SUPT6H: variants seen among roughly 807,000 people sequenced by gnomAD.
SUPT6H encodes SPT6 homolog, histone chaperone and transcription elongation factor.
Under a neutral mutation model 222.3 loss-of-function variants are expected in SUPT6H, and 11 were observed. The observed-to-expected ratio is 0.05, with a 90% CI of 0.03 to 0.08. SUPT6H has a LOEUF of 0.08. Ranked by LOEUF, SUPT6H falls within the 10% of genes least tolerant of loss-of-function variation. The pLI, the probability that SUPT6H is intolerant of heterozygous loss-of-function variation, is 1.00. For missense variants in SUPT6H, 1,422 were observed against 2,216.0 expected (o/e 0.64, Z 7.19); for synonymous variants, 762 against 801.2 (o/e 0.95, Z 0.83).
rs1211853753 is a variant in SUPT6H, at chr17:28,689,367, A to G, written c.3148A>G (p.Ile1050Val). Residue 1050 changes from isoleucine to valine, a missense_variant, in exon 25 of 37, where the codon ATT becomes GTT. By Grantham distance (29) the Ile-to-Val change is conservative (BLOSUM62 3). This residue lies in a region of SUPT6H where 16 missense variants were observed against 88.5 expected (regional missense o/e 0.18). Transcript: ENST00000314616. The stretch of plus-strand genomic sequence containing the variant: ...CCTTTCCTCCAGCACTGACTCATAT[A>G]TTGAAGTCCTTGATGGTTCCCGTGT... Reference protein sequence around the residue: ...ASLGDSTDSYIEVLDGSRVHP... With the variant: ...ASLGDSTDSYVEVLDGSRVHP... The G allele has an allele frequency of 3.7e-6, 6 of 1,614,156 alleles. No individual in the cohort carries two copies. The highest frequency in any genetic ancestry group is 2.2e-5 in the East Asian group (1 of 44,882).
Position 28,684,866 on chromosome 17 carries a change from C to G in SUPT6H, c.2392C>G (p.Leu798Val). The G allele has an allele frequency of 1.2e-6, 2 of 1,614,216 alleles. No individual in the cohort carries two copies. Among genetic ancestry groups the G allele is most frequent in the Non-Finnish European group, 1.7e-6 (2 of 1,180,040 alleles). ...SARDHPVFCA[L>V]VNGEGEVTDF... is the part of the protein sequence containing the mutation. ...CAGAGATCACCCTGTGTTCTGCGCC[C>G]TGGTCAATGGTGAAGGAGAAGTGAC... The change falls in exon 19 of 37, where the codon CTG becomes GTG. Residue 798 changes from leucine to valine, a missense_variant. By Grantham distance (32) the Leu-to-Val change is conservative. Coordinates refer to ENST00000314616, the MANE Select transcript of SUPT6H (RefSeq NM_003170.5).
At chr17:28,701,169 G>C (rs763283348) in intron 36 of SUPT6H, 41 bp downstream of exon 36, 24 of 1,564,622 alleles carry the variant, frequency 1.5e-5, no homozygotes, top group Non-Finnish European at 2.1e-5. Flanking sequence ...TCAGTGGTAG[G>C]GGCAGGTGTT....
intron 27 of SUPT6H, among the ~76,000 whole-genome samples, 172 bp from the exon 28 acceptor site, chr17:28,693,524 A>G (rs2031769847): frequency 6.6e-6 from 1 of 152,194 alleles, no homozygotes; most frequent in Admixed American, 6.5e-5. Flanking sequence ...GAGACAAGGG[A>G]CTTTGTAGAT....
In SUPT6H at chr17:28,686,393, G is replaced by A. The variant is rs768212148; in HGVS notation, c.2542G>A (p.Val848Met). 6.2e-7 allele frequency: 1 copy of A among 1,614,230 alleles called. No homozygotes were observed. Residue 848 changes from valine (V) to methionine (M), a missense_variant, in exon 20 of 37, where the codon GTG becomes ATG. Physicochemically the swap from Val to Met is conservative, Grantham distance 21. Coordinates refer to ENST00000314616, the MANE Select transcript of SUPT6H (RefSeq NM_003170.5). ...KFLLNKKPHV[V>M]TVAGENRDAQ... is the part of the protein sequence containing the mutation. ...TCTCCTGAATAAGAAGCCTCATGTAGTGACAGTTGCAGGAGAGAACAGGTA... is the reference window on the plus strand; with the variant it reads ...TCTCCTGAATAAGAAGCCTCATGTAATGACAGTTGCAGGAGAGAACAGGTA...
intron 1 of SUPT6H, among the ~76,000 whole-genome samples, chr17:28,665,947 G>A (rs2029986245): frequency 1.3e-5 from 2 of 152,164 alleles, no homozygotes; most frequent in South Asian, 2.1e-4. Context: ...GGATTAGCAA[G>A]TAGATTAAGT....
intron 31 of SUPT6H, 48 bp downstream of exon 31, chr17:28,697,781 A>T: frequency 2.5e-6 from 4 of 1,610,356 alleles, no homozygotes; most frequent in Non-Finnish European, 3.4e-6. Flanking sequence ...TCACTTAAGG[A>T]TGTACGCTTT....
chr17:28,688,249 G>T lies in SUPT6H; in HGVS notation c.3134+31G>T. ...GCCCTCTGCCTGGATGGGGCAGGAG[G>T]AATTCCCTTGTGGGCTTTGTTTTCG... On this transcript the variant is annotated intron_variant, in intron 24 of 36. Transcript: ENST00000314616. This position sits in a 1 kb window ranked among gnomAD's most constrained non-coding sequence, Gnocchi z 4.3. 1 of 1,604,428 alleles carries T rather than the reference G, an allele frequency of 6.2e-7. No homozygotes were observed.
intron 1 of SUPT6H, among the ~76,000 whole-genome samples, chr17:28,671,672 G>A (rs2030425610): frequency 6.6e-6 from 1 of 152,218 alleles, no homozygotes; most frequent in South Asian, 2.1e-4. Flanking sequence ...TGAAAGCAGG[G>A]AAGTAGAAGA....
Position 28,697,024 on chromosome 17 carries a change from G to A in SUPT6H, c.4151G>A (p.Arg1384Gln), listed in dbSNP as rs1284185559. ...GGCATCTACCAGCATGTGGATGTGC[G>A]GGAGGAGGGCAAGGAAAATGCCTTC... ...SDGIYQHVDV[R>Q]EEGKENAFSL... Residue 1384 changes from arginine (R) to glutamine (Q), a missense_variant, in exon 30 of 37, where the codon CGG (arginine) becomes CAG (glutamine). Transcript: ENST00000314616. 11 of 1,613,904 alleles carry A rather than the reference G, an allele frequency of 6.8e-6. No homozygotes were observed. Among genetic ancestry groups the A allele is most frequent in the East Asian group, 2.2e-5 (1 of 44,880 alleles).
chr17:28,676,404 G>A lies in SUPT6H; in HGVS notation c.871G>A (p.Ala291Thr). ...CACAGATCAGGACAATGAAATCCGA[G>A]CCACTGACCTGCCTGAGAGGTTCCA... ...HLTDQDNEIR[A>T]TDLPERFQLR... Residue 291 changes from alanine (A) to threonine (T), a missense_variant, in exon 7 of 37, where the codon GCC (alanine) becomes ACC (threonine). This residue lies in a region of SUPT6H where 389 missense variants were observed against 544.6 expected (regional missense o/e 0.71). Transcript: ENST00000314616. 1 of 1,613,814 alleles carries A rather than the reference G, an allele frequency of 6.2e-7. No individual in the cohort carries two copies. The highest frequency in any genetic ancestry group is 8.5e-7 in the Non-Finnish European group (1 of 1,179,998).
intron 32 of SUPT6H, 85 bp from the exon 33 acceptor site, chr17:28,699,696 A>G (rs1255882538): frequency 5.4e-6 from 6 of 1,112,124 alleles, no homozygotes; most frequent in Non-Finnish European, 8.3e-6. Context: ...CAGAATGGCT[A>G]CTTCACATGG....
chr17:28,688,513 A>C lies in SUPT6H; in HGVS notation c.3134+295A>C. The C allele has an allele frequency of 1.4e-5, 3 of 208,112 alleles. No homozygotes were observed. The highest frequency in any genetic ancestry group is 5.8e-5 in the Admixed American group (1 of 17,280). 12.9% of individuals were successfully genotyped at this position (208,112 alleles called of 1,614,324 possible). On this transcript the variant is annotated intron_variant, in intron 24 of 36. Coordinates refer to ENST00000314616, the MANE Select transcript of SUPT6H (RefSeq NM_003170.5). This position sits in a 1 kb window ranked among gnomAD's most constrained non-coding sequence, Gnocchi z 4.3. ...AACACAAACTTGCTTTTTTATTATT[A>C]TGGTTTGTTGTGGCCAGATAAGGGT... is the stretch of plus-strand genomic sequence containing the variant.
At position 28,688,156 on chromosome 17, in the gene SUPT6H, T is replaced by C. The variant is rs2031485448; in HGVS notation, c.3072T>C (p.Gly1024=). ...AGCTGGTCACCATGTGCCACATGGG[T>C]CCCAAAGTCTTCATGAATTGTGCTG... The part of the protein sequence containing the change: ...RTQLVTMCHM[G]PKVFMNCAGF... The change falls in exon 24 of 37, where the codon GGT becomes GGC. Residue 1024 remains glycine, a synonymous_variant. Coordinates refer to ENST00000314616, the MANE Select transcript of SUPT6H (RefSeq NM_003170.5). The surrounding 1 kb of genome is among the most constrained non-coding windows in gnomAD (Gnocchi z 4.3). 1.2e-6 allele frequency: 2 copies of C among 1,613,788 alleles called. No individual in the cohort carries two copies. The highest frequency in any genetic ancestry group is 4.5e-5 in the East Asian group (2 of 44,828).
intron 27 of SUPT6H, 129 bp from the exon 28 acceptor site, chr17:28,693,567 A>AT: frequency 1.8e-6 from 2 of 1,119,230 alleles, no homozygotes; most frequent in Non-Finnish European, 1.3e-6. Flanking sequence ...TGACTAAGTC[A>AT]TTGTGTTTTC....
chr17:28,683,234 C>T (rs753666808), intron 15 of SUPT6H, 34 bp from the exon 16 acceptor site: 2 of 1,608,342 alleles, frequency 1.2e-6, no homozygotes, highest in Non-Finnish European at 1.7e-6. Context: ...CCCAGCCCAT[C>T]CGCAGGCTCA....
chr17:28,671,969 C>T (rs961619808), intron 1 of SUPT6H, among the ~76,000 whole-genome samples: 2 of 152,118 alleles, frequency 1.3e-5, no homozygotes, highest in African/African-American at 4.8e-5. Flanking sequence ...TCCATTTAAC[C>T]ATGTTGCATT....
In SUPT6H at chr17:28,684,773, T is replaced by A. The variant is rs1447063355; in HGVS notation, c.2369+48T>A. 4 of 1,613,020 alleles carry A rather than the reference T, an allele frequency of 2.5e-6. No individual in the cohort carries two copies. In the South Asian group the frequency reaches 4.4e-5, roughly 18 times the overall value. Reference sequence around the variant, plus strand: ...CCAGCACCATCTCTTGTCTTCCTAATTTCATTTTTCTCTCATTCATAACTT... The same window carrying A: ...CCAGCACCATCTCTTGTCTTCCTAAATTCATTTTTCTCTCATTCATAACTT... On this transcript the variant is annotated intron_variant, in intron 18 of 36. Coordinates refer to ENST00000314616, the MANE Select transcript of SUPT6H (RefSeq NM_003170.5).
intron 27 of SUPT6H, 102 bp downstream of exon 27, chr17:28,691,165 A>T: frequency 7.1e-7 from 1 of 1,415,974 alleles, no homozygotes. Context: ...TCATTCTCTC[A>T]CCAAACAAGT....
At chr17:28,672,051 T>C (rs149532730) in intron 1 of SUPT6H, among the ~76,000 whole-genome samples, 36 of 152,322 alleles carry the variant, frequency 2.4e-4, no homozygotes, top group African/African-American at 8.4e-4. Flanking sequence ...ACTAGGCCCT[T>C]TTTGGACCCA....
Sources: gnomAD v4.1 joint callset for allele counts (sites outside exome capture counted in the v4.1 genomes callset) on GRCh38, gnomAD v4.1.1 for gene constraint, gnomAD v4.1.1 regional missense constraint, Gnocchi (gnomAD v3.1) non-coding constraint, MANE v1.5 for transcripts, NCBI Gene and HGNC (gene_info 2026-07-23, HGNC 2026-07-21) for gene names.